Variants in STXBP4 observed in about 807,000 individuals in gnomAD.
STXBP4 encodes syntaxin binding protein 4, also known as syntaxin-binding protein 4.
Under a neutral mutation model 76.1 loss-of-function variants are expected in STXBP4, and 55 were observed. The observed-to-expected ratio is 0.72, with a 90% CI of 0.58 to 0.91. The LOEUF (loss-of-function observed/expected upper bound fraction) is 0.91. STXBP4 is among the 40% of genes least tolerant of loss of function. STXBP4 has a pLI of 0.00. For synonymous variants in STXBP4, 201 were observed against 220.2 expected, an observed-to-expected ratio of 0.91 and a Z score of 0.77; for missense variants, 618 against 636.9, an observed-to-expected ratio of 0.97 and a Z score of 0.32.
chr17:55,034,093 C>A, intron 9 of STXBP4, 75 bp from the exon 10 acceptor site: 1 of 1,013,658 alleles, frequency 9.9e-7, no homozygotes, highest in Non-Finnish European at 1.5e-6. Context: ...GAAACCTTAG[C>A]AACTTCATAT....
rs776260464 is a variant in STXBP4, at chr17:54,999,383, C to G, written c.219C>G (p.Val73=). Residue 73 remains valine (V), a synonymous_variant, in exon 5 of 18, where the codon GTC becomes GTG. Coordinates refer to ENST00000376352, the MANE Select transcript of STXBP4 (RefSeq NM_178509.6). ...AGCCAGGAGATCAACTTGTCTCAGT[C>G]AACAAGGAATCTATGATTGGTGTAT... ...RLKPGDQLVS[V]NKESMIGVSF... is the part of the protein sequence containing the mutation. The G allele has an allele frequency of 6.2e-7, 1 of 1,612,476 alleles. No homozygotes were observed. Among genetic ancestry groups the G allele is most frequent in the Admixed American group, 1.7e-5 (1 of 59,772 alleles).
chr17:55,091,992 A>G (rs2079420749), intron 16 of STXBP4, among the ~76,000 whole-genome samples: 1 of 152,226 alleles, frequency 6.6e-6, no homozygotes, highest in African/African-American at 2.4e-5. Context: ...ATCTCAGATA[A>G]GGGTACTCAA....
At chr17:55,117,820 GTCGTATCATCACT>G (rs2079798992) in intron 16 of STXBP4, among the ~76,000 whole-genome samples, 1 of 151,906 alleles carries the variant, frequency 6.6e-6, no homozygotes, top group Non-Finnish European at 1.5e-5. Context: ...CTCTCCATCA[GTCGTATCATCACT>G]TCTACTCCCT....
chr17:55,081,113 C>A lies in STXBP4; in HGVS notation c.1419C>A (p.Ser473Arg). 1 of 1,558,376 alleles carries A rather than the reference C, an allele frequency of 6.4e-7. No homozygotes were observed. The highest frequency in any genetic ancestry group is 8.6e-7 in the Non-Finnish European group (1 of 1,156,200). The change falls in exon 16 of 18, where the codon AGC (serine) becomes AGA (arginine). Residue 473 changes from serine to arginine, a missense_variant. By Grantham distance (110) the Ser-to-Arg change is moderately radical. Transcript: ENST00000376352. ...CACCACTGGGAAGGAATGGACGTAG[C>A]ATCCCAGCAACGCTGGCGCTTGAAT... The part of the protein sequence containing the change: ...SLTPLGRNGR[S>R]IPATLALESK...
Position 55,007,487 on chromosome 17 carries a change from G to C in STXBP4, c.575-19G>C, listed in dbSNP as rs1240142600. On this transcript the variant is annotated intron_variant, in intron 7 of 17. Coordinates refer to ENST00000376352, the MANE Select transcript of STXBP4 (RefSeq NM_178509.6). Reference sequence around the variant, plus strand: ...TTCCAATTAAGTTCCCAATTAATGTGCACCCTGTTGTCTCTTAGATGTTGC... The same window carrying C: ...TTCCAATTAAGTTCCCAATTAATGTCCACCCTGTTGTCTCTTAGATGTTGC... 1.3e-6 allele frequency: 2 copies of C among 1,580,166 alleles called. No individual in the cohort carries two copies. Among genetic ancestry groups the C allele is most frequent in the South Asian group, 2.2e-5 (2 of 89,514 alleles).
At chr17:55,135,837 C>T (rs116486499) in intron 16 of STXBP4, among the ~76,000 whole-genome samples, 1,738 of 152,092 alleles carry the variant, frequency 0.011, 31 homozygotes, top group East Asian at 0.045. Flanking sequence ...ATCTAGTTTA[C>T]TTTTTGTGTT....
chr17:55,110,411 G>A (rs1027245306), intron 16 of STXBP4, among the ~76,000 whole-genome samples: 2 of 152,174 alleles, frequency 1.3e-5, no homozygotes, highest in Non-Finnish European at 2.9e-5. Context: ...GGAGGAAGAC[G>A]TCTTGGGGAG....
At chr17:55,198,502 A>G in the STXBP4 span, among the ~76,000 whole-genome samples, 5 of 152,156 alleles carry the variant, frequency 3.3e-5, no homozygotes, top group Non-Finnish European at 7.4e-5. Flanking sequence ...TTTTGATGAG[A>G]GATTCTCAAC....
intron 16 of STXBP4, among the ~76,000 whole-genome samples, chr17:55,102,921 T>G (rs2079584210): frequency 6.6e-6 from 1 of 152,250 alleles, no homozygotes. Flanking sequence ...CGCATAAATG[T>G]CTTCCTTTGA....
chr17:54,973,971 T>C (rs1288162436), intron 1 of STXBP4, among the ~76,000 whole-genome samples: 1 of 152,228 alleles, frequency 6.6e-6, no homozygotes, highest in African/African-American at 2.4e-5. Context: ...TATAAGCCAT[T>C]TTGATATTCA....
At chr17:55,180,795 T>C in the STXBP4 span, among the ~76,000 whole-genome samples, 1 of 152,204 alleles carries the variant, frequency 6.6e-6, no homozygotes, top group Non-Finnish European at 1.5e-5. Flanking sequence ...TCAGGTTTAC[T>C]GAGGGGAGTT....
chr17:55,213,233 G>C, the STXBP4 span, among the ~76,000 whole-genome samples: 1 of 152,268 alleles, frequency 6.6e-6, no homozygotes, highest in South Asian at 2.1e-4. Flanking sequence ...ACTTGAACAG[G>C]TCAGGTGTGT....
At chr17:55,202,378 T>C in the STXBP4 span, among the ~76,000 whole-genome samples, 3 of 151,616 alleles carry the variant, frequency 2.0e-5, no homozygotes, top group African/African-American at 7.3e-5. Flanking sequence ...TAGGACCTGT[T>C]ACCACAGGTA....
At chr17:55,207,789 C>T in the STXBP4 span, among the ~76,000 whole-genome samples, 6 of 152,284 alleles carry the variant, frequency 3.9e-5, no homozygotes, top group South Asian at 2.1e-4. Flanking sequence ...CTCTCATGCA[C>T]GCACGTGCGC....
intron 9 of STXBP4, among the ~76,000 whole-genome samples, chr17:55,031,945 T>C (rs932824506): frequency 6.6e-6 from 1 of 152,232 alleles, no homozygotes; most frequent in African/African-American, 2.4e-5. Flanking sequence ...TATTGTACTA[T>C]AATATTAAGC....
intron 7 of STXBP4, 65 bp from the exon 8 acceptor site, chr17:55,007,441 C>T: frequency 2.7e-6 from 3 of 1,104,450 alleles, no homozygotes; most frequent in Middle Eastern, 4.0e-4. Flanking sequence ...CAGAACATAT[C>T]CTGTCAAATA....
At chr17:55,158,954 G>A (rs75540534) in intron 17 of STXBP4, among the ~76,000 whole-genome samples, 6,109 of 152,296 alleles carry the variant, frequency 0.04, 372 homozygotes, top group African/African-American at 0.13. Flanking sequence ...GAAAGAAGAA[G>A]ATATTGTTGG....
chr17:55,002,775 T>G (rs1346878628), intron 7 of STXBP4, among the ~76,000 whole-genome samples: 1 of 152,206 alleles, frequency 6.6e-6, no homozygotes, highest in Non-Finnish European at 1.5e-5. Context: ...CTCTGTAACC[T>G]TGAAATAGTT....
At chr17:55,039,555 T>A (rs889775132) in intron 10 of STXBP4, among the ~76,000 whole-genome samples, 1 of 152,028 alleles carries the variant, frequency 6.6e-6, no homozygotes, top group Admixed American at 6.6e-5. Flanking sequence ...GTAGTCTAGA[T>A]AGAGGACTAT....
Sources: gnomAD v4.1 joint callset for allele counts (sites outside exome capture counted in the v4.1 genomes callset) on GRCh38, gnomAD v4.1.1 for gene constraint, MANE v1.5 for transcripts, NCBI Gene and HGNC (gene_info 2026-07-23, HGNC 2026-07-21) for gene names.